Variants in ATP2C2 observed in about 807,000 individuals in gnomAD.
ATP2C2 encodes the protein ATPase secretory pathway Ca2+ transporting 2.
Under a neutral mutation model 110.8 loss-of-function variants are expected in ATP2C2, and 171 were observed. The observed-to-expected ratio is 1.54, with a 90% CI of 1.36 to 1.75. The LOEUF (loss-of-function observed/expected upper bound fraction) is 1.75, where lower values mean the gene tolerates loss of function less well. Ranked by LOEUF, ATP2C2 falls within the 40% of genes most tolerant of loss-of-function variation. ATP2C2 has a pLI of 0.00. For missense variants in ATP2C2, 1,963 were observed against 1,235.0 expected (o/e 1.59, Z -8.84); for synonymous variants, 804 against 508.4 (o/e 1.58, Z -7.82).
Position 84,415,576 on chromosome 16 carries a change from C to T in ATP2C2, c.609C>T (p.Asp203=), listed in dbSNP as rs1379741854. ...SLSIGDRIPA[D]IRLTEVTDLL... Reference sequence around the variant, plus strand: ...CGATCGGAGACCGGATCCCTGCAGACATCCGACTCACTGAGGTGAGTGGTT... The same window carrying T: ...CGATCGGAGACCGGATCCCTGCAGATATCCGACTCACTGAGGTGAGTGGTT... Residue 203 remains aspartate, a synonymous_variant, in exon 7 of 27, where the codon GAC becomes GAT. Coordinates refer to ENST00000262429, the MANE Select transcript of ATP2C2 (RefSeq NM_014861.4). 18 of 1,613,494 alleles carry T rather than the reference C, an allele frequency of 1.1e-5. No individual in the cohort carries two copies. The highest frequency in any genetic ancestry group is 8.8e-5 in the South Asian group (8 of 90,986).
At chr16:84,404,723 G>C (rs534784695) in intron 2 of ATP2C2, 1 of 353,164 alleles carries the variant, frequency 2.8e-6, no homozygotes, top group Non-Finnish European at 5.5e-6. Flanking sequence ...AAGTGGAATT[G>C]CTGGATCTGG....
chr16:84,446,315 T>C lies in ATP2C2; in HGVS notation c.1402-14T>C. The stretch of plus-strand genomic sequence containing the variant: ...CGGATGACTCACTAAAAATGTGTCA[T>C]TTTATTATGCTAGATGGACTTAAGT... On this transcript the variant is annotated splice_polypyrimidine_tract_variant and intron_variant, in intron 15 of 26. Coordinates refer to ENST00000262429, the MANE Select transcript of ATP2C2 (RefSeq NM_014861.4). The C allele has an allele frequency of 6.6e-7, 1 of 1,512,204 alleles. No individual in the cohort carries two copies. Among genetic ancestry groups the C allele is most frequent in the Non-Finnish European group, 9.0e-7 (1 of 1,112,628 alleles). 93.7% of individuals were successfully genotyped at this position (1,512,204 alleles called of 1,614,324 possible).
chr16:84,462,908 C>G (rs1911528115), intron 26 of ATP2C2: 1 of 153,036 alleles, frequency 6.5e-6, no homozygotes, highest in Admixed American at 6.5e-5. Context: ...GCTGCAGTGA[C>G]AACGGTCCTA....
chr16:84,455,426 A>G lies in ATP2C2; in HGVS notation c.2147+442A>G, dbSNP rs1462199572. Among the ~76,000 whole-genome samples the G allele has an allele frequency of 5.3e-5, 8 of 152,308 alleles. 1 individual carries two copies. Among genetic ancestry groups the G allele is most frequent in the African/African-American group, 1.4e-4 (6 of 41,564 alleles). ...GTTTGAGGCCTGCGTGTTGATACAT[A>G]TATCTCAGGCATTGCAAAGAGACCT... On this transcript the variant is annotated intron_variant, in intron 21 of 26. Coordinates refer to ENST00000262429, the MANE Select transcript of ATP2C2 (RefSeq NM_014861.4).
chr16:84,385,603 G>C (rs570451550), intron 1 of ATP2C2, among the ~76,000 whole-genome samples: 2 of 152,338 alleles, frequency 1.3e-5, no homozygotes, highest in Admixed American at 1.3e-4. Flanking sequence ...AGAAATATCT[G>C]AGACTGAGTA....
chr16:84,442,880 A>G (rs1166432983), intron 15 of ATP2C2, among the ~76,000 whole-genome samples: 1 of 152,124 alleles, frequency 6.6e-6, no homozygotes, highest in Non-Finnish European at 1.5e-5. Flanking sequence ...TCAGGTGTTG[A>G]GGCGACAGAC....
Position 84,448,686 on chromosome 16 carries a change from C to A in ATP2C2, c.1657C>A (p.Arg553=), listed in dbSNP as rs373029761. 1 of 1,610,746 alleles carries A rather than the reference C, an allele frequency of 6.2e-7. No individual in the cohort carries two copies. Among genetic ancestry groups the A allele is most frequent in the East Asian group, 2.2e-5 (1 of 44,720 alleles). Residue 553 remains arginine, a synonymous_variant, in exon 17 of 27, where the codon CGG becomes AGG. Transcript: ENST00000262429. ...GAAGAGGATGGGGTCGCTCGGTTTG[C>A]GGGGTCAGTGCCTGTGGTCCCGGCC... ...EEKRMGSLGL[R]VLALASGPEL...
chr16:84,462,097 G>A lies in ATP2C2; in HGVS notation c.2690G>A (p.Arg897Lys), dbSNP rs1375918922. 1.2e-6 allele frequency: 2 copies of A among 1,613,976 alleles called. No individual in the cohort carries two copies. Among genetic ancestry groups the A allele is most frequent in the South Asian group, 1.1e-5 (1 of 91,060 alleles). The change falls in exon 26 of 27, where the codon AGG (arginine) becomes AAG (lysine). Residue 897 changes from arginine to lysine, a missense_variant. Transcript: ENST00000262429. ...GTCATTTACATCCCCCCGCTGCAGA[G>A]GGTCTTCCAGACGGAGAACCTGGGA... ...LAVIYIPPLQ[R>K]VFQTENLGAL...
Position 84,383,787 on chromosome 16 carries a change from G to T in ATP2C2, c.100-14712G>T, listed in dbSNP as rs1429712637. ...GGGGGTGGGGGTGTTGGTTTTGTTG[G>T]TTTTTTTTTTTTTTTTTTTTTGAGA... On this transcript the variant is annotated intron_variant, in intron 1 of 26. Coordinates refer to ENST00000262429, the MANE Select transcript of ATP2C2 (RefSeq NM_014861.4). 8.7e-3 allele frequency among the ~76,000 whole-genome samples: 875 copies of T among 100,830 alleles called. 2 individuals are homozygous for T. Among genetic ancestry groups the T allele is most frequent in the Non-Finnish European group, 0.013 (701 of 52,996 alleles). The allele number at this position is 100,830 out of a possible 152,430, so 66.1% of individuals were successfully genotyped here. A position where few individuals can be genotyped will look rare whatever the true frequency, so the allele number is the denominator to read the frequency against.
In ATP2C2 at chr16:84,460,515, G is replaced by C. The variant is rs8052834; in HGVS notation, c.2334-139G>C. The stretch of plus-strand genomic sequence containing the variant: ...GGAAGGTGCCGAGGAGGGCAGGTGC[G>C]ATGCCTGGGGGCGTTCAGCAAATGC... On this transcript the variant is annotated intron_variant, in intron 23 of 26. Coordinates refer to ENST00000262429, the MANE Select transcript of ATP2C2 (RefSeq NM_014861.4). 1,640 of 1,206,998 alleles carry C rather than the reference G, an allele frequency of 1.4e-3. 22 individuals are homozygous for C. In the African/African-American group the frequency reaches 0.022, roughly 16 times the overall value. The allele number at this position is 1,206,998 out of a possible 1,614,324, so 74.8% of individuals were successfully genotyped here.
chr16:84,430,374 C>G (rs1031319273), intron 11 of ATP2C2, among the ~76,000 whole-genome samples: 1 of 152,178 alleles, frequency 6.6e-6, no homozygotes, highest in African/African-American at 2.4e-5. Context: ...GGTGCGGTGG[C>G]TCACGTCTGT....
rs537025575 is a variant in ATP2C2, at chr16:84,408,188, G to C, written c.328-217G>C. 3.9e-5 allele frequency among the ~76,000 whole-genome samples: 6 copies of C among 152,312 alleles called. No individual in the cohort carries two copies. In the East Asian group the frequency reaches 1.2e-3, roughly 29 times the overall value. The stretch of plus-strand genomic sequence containing the variant: ...GGGCTGAGGCCGGTGTCTTCAGGGG[G>C]TCAGTACTGGGACCTGGGAGGGTCA... On this transcript the variant is annotated intron_variant, in intron 3 of 26. Transcript: ENST00000262429.
At position 84,455,077 on chromosome 16, in the gene ATP2C2, G is replaced by GGT. The variant is rs1555568555; in HGVS notation, c.2147+94_2147+95dup. On this transcript the variant is annotated intron_variant, in intron 21 of 26. Transcript: ENST00000262429. ...CTGCTACTGTGGAGATAGAGGGGGG[G>GGT]GTCTCGCGGAGTCCCCAGGGAGAGC... 7.4e-5 allele frequency: 110 copies of GGT among 1,493,038 alleles called. 4 individuals are homozygous for GGT. Among genetic ancestry groups the GGT allele is most frequent in the Admixed American group, 1.2e-4 (6 of 50,508 alleles). 92.5% of individuals were successfully genotyped at this position (1,493,038 alleles called of 1,614,324 possible). A position where few individuals can be genotyped will look rare whatever the true frequency, so the allele number is the denominator to read the frequency against.
rs1369641401 is a variant in ATP2C2 at position 84,459,125 on chromosome 16, C to T, written c.2153C>T (p.Ala718Val). 1.2e-6 allele frequency: 2 copies of T among 1,614,090 alleles called. No homozygotes were observed. The highest frequency in any genetic ancestry group is 1.1e-5 in the South Asian group (1 of 91,090). Residue 718 changes from alanine (A) to valine (V), a missense_variant, in exon 22 of 27, where the codon GCA (alanine) becomes GTA (valine). By Grantham distance (64) the Ala-to-Val change is moderately conservative. Transcript: ENST00000262429. ...ATGGCTCTCTTCTCTTGCAGGAATG[C>T]AGTGGAGGAAGGCAAGGGTATTTTT... ...VDDDFSAIMN[A>V]VEEGKGIFYN...
intron 1 of ATP2C2, among the ~76,000 whole-genome samples, chr16:84,377,431 C>T (rs185473278): frequency 1.3e-5 from 2 of 152,226 alleles, no homozygotes; most frequent in Non-Finnish European, 2.9e-5. Flanking sequence ...CCTCACAGCT[C>T]ATTTATTGTC....
chr16:84,448,287 A>T (rs1466349657), intron 16 of ATP2C2, among the ~76,000 whole-genome samples: 1 of 152,212 alleles, frequency 6.6e-6, no homozygotes, highest in African/African-American at 2.4e-5. Context: ...GAACTGAAAA[A>T]AGAACAAGGG....
Position 84,439,230 on chromosome 16 carries a change from G to A in ATP2C2, c.1051G>A (p.Val351Met), listed in dbSNP as rs180864274. ...CGTCATGGTGACGCTGGTCCTGGGA[G>A]TGCTGCGGATGGCCAAGAAGCGGGT... ...IVVMVTLVLG[V>M]LRMAKKRVIV... The change falls in exon 12 of 27, where the codon GTG (valine) becomes ATG (methionine). Residue 351 changes from valine to methionine, a missense_variant. Coordinates refer to ENST00000262429, the MANE Select transcript of ATP2C2 (RefSeq NM_014861.4). The A allele has an allele frequency of 1.8e-5, 29 of 1,612,356 alleles. No homozygotes were observed. In the East Asian group the frequency reaches 6.0e-4, roughly 33 times the overall value.
chr16:84,446,564 A>C (rs907607195), intron 16 of ATP2C2, 134 bp downstream of exon 16: 1 of 542,864 alleles, frequency 1.8e-6, no homozygotes, highest in Non-Finnish European at 3.2e-6. Context: ...ACATGGAAAA[A>C]CTTAATCACC....
At chr16:84,371,466 C>T (rs1200725503) in intron 1 of ATP2C2, among the ~76,000 whole-genome samples, 1 of 152,158 alleles carries the variant, frequency 6.6e-6, no homozygotes, top group African/African-American at 2.4e-5. Context: ...GATCATGCCA[C>T]TGTGCTCCAG....
Sources: gnomAD v4.1 joint callset for allele counts (sites outside exome capture counted in the v4.1 genomes callset) on GRCh38, gnomAD v4.1.1 for gene constraint, MANE v1.5 for transcripts, NCBI Gene and HGNC (gene_info 2026-07-23, HGNC 2026-07-21) for gene names.